CAPZB: variants seen among roughly 807,000 people sequenced by gnomAD.
The protein encoded by CAPZB is capping actin protein of muscle Z-line subunit beta.
CAPZB carries 2 observed loss-of-function variants against 38.1 expected under a neutral mutation model. The ratio of observed to expected loss-of-function variants is 0.05; its 90% CI spans 0.02 to 0.17. CAPZB has a LOEUF of 0.17. Among genes scored for constraint, CAPZB ranks in the 10% least tolerant of loss-of-function variants. The probability of loss-of-function intolerance (pLI) is 1.00; values close to 1 mark genes in which losing one functional copy is unlikely to be tolerated. For missense variants in CAPZB, 161 were observed against 334.2 expected, an observed-to-expected ratio of 0.48 and a Z score of 4.04; for synonymous variants, 107 against 127.4, an observed-to-expected ratio of 0.84 and a Z score of 1.08.
At chr1:19,414,206 C>G (rs532543579) in intron 2 of CAPZB, among the ~76,000 whole-genome samples, 1 of 152,312 alleles carries the variant, frequency 6.6e-6, no homozygotes, top group East Asian at 1.9e-4. Flanking sequence ...CTGCAGACAT[C>G]ATGCTGCCCC....
At position 19,365,668 on chromosome 1, in the gene CAPZB, TA is replaced by T. The variant is rs533866638; in HGVS notation, c.330-8106del. On this transcript the variant is annotated intron_variant, in intron 4 of 8. Transcript: ENST00000264202. ...CCACATGGAGAAGCCCCGTCTCTAT[TA>T]AAAAAACACACAAAATTAGTCGGGC... 2.9e-3 allele frequency among the ~76,000 whole-genome samples: 439 copies of T among 151,802 alleles called. 5 individuals carry two copies. The highest frequency in any genetic ancestry group is 9.9e-3 in the African/African-American group (408 of 41,388).
intron 4 of CAPZB, among the ~76,000 whole-genome samples, chr1:19,365,267 T>C (rs1037657057): frequency 6.6e-6 from 1 of 152,188 alleles, no homozygotes; most frequent in African/African-American, 2.4e-5. Context: ...CTCGTAGACA[T>C]GGCTTCAACA....
intron 2 of CAPZB, among the ~76,000 whole-genome samples, chr1:19,396,038 G>T (rs563495639): frequency 6.6e-6 from 1 of 152,180 alleles, no homozygotes; most frequent in Non-Finnish European, 1.5e-5. Flanking sequence ...CATCCTTCAG[G>T]GTCTGATTCG....
chr1:19,413,209 G>C (rs772928289), intron 2 of CAPZB, among the ~76,000 whole-genome samples: 10 of 152,180 alleles, frequency 6.6e-5, no homozygotes, highest in Non-Finnish European at 1.2e-4. Flanking sequence ...TGGAGGAGAA[G>C]GCAAGGAATA....
chr1:19,430,811 T>C (rs2094439460), intron 1 of CAPZB, among the ~76,000 whole-genome samples: 2 of 152,306 alleles, frequency 1.3e-5, no homozygotes, highest in Non-Finnish European at 2.9e-5. Flanking sequence ...AAGCACTGCC[T>C]GCTTTTTACA....
At chr1:19,460,607 G>C (rs1157556707) in intron 1 of CAPZB, among the ~76,000 whole-genome samples, 4 of 82,028 alleles carry the variant, frequency 4.9e-5, no homozygotes, top group Non-Finnish European at 9.8e-5. Context: ...TGTATTTTTG[G>C]TGGAGATGTT....
chr1:19,371,950 G>C (rs1379333394), intron 4 of CAPZB, among the ~76,000 whole-genome samples: 1 of 152,252 alleles, frequency 6.6e-6, no homozygotes, highest in African/African-American at 2.4e-5. Flanking sequence ...CCAGAGAGGG[G>C]ACAGGTGCTG....
intron 3 of CAPZB, among the ~76,000 whole-genome samples, chr1:19,383,446 C>CAA (rs528617668): frequency 0.02 from 2,407 of 117,874 alleles, 84 homozygotes; most frequent in African/African-American, 0.062. Flanking sequence ...GACTCTGTCT[C>CAA]AAAAAAAAAA....
intron 1 of CAPZB, among the ~76,000 whole-genome samples, chr1:19,469,873 G>A (rs188498271): frequency 6.6e-6 from 1 of 151,994 alleles, no homozygotes; most frequent in Non-Finnish European, 1.5e-5. Flanking sequence ...AGGTCGGGGG[G>A]TATTCCACAG....
intron 1 of CAPZB, among the ~76,000 whole-genome samples, chr1:19,446,395 G>C (rs1039955876): frequency 6.6e-6 from 1 of 152,210 alleles, no homozygotes; most frequent in Non-Finnish European, 1.5e-5. Flanking sequence ...CATGTAAGAA[G>C]TAAAGGTGAG....
intron 2 of CAPZB, among the ~76,000 whole-genome samples, chr1:19,418,729 T>C (rs1452564231): frequency 6.6e-6 from 1 of 152,194 alleles, no homozygotes; most frequent in Non-Finnish European, 1.5e-5. Flanking sequence ...GTGAATGACA[T>C]CCGTGCCTCT....
chr1:19,418,136 CAAAAAAAAAAAA>C (rs59390448), intron 2 of CAPZB, among the ~76,000 whole-genome samples: 3 of 35,300 alleles, frequency 8.5e-5, no homozygotes, highest in African/African-American at 2.1e-4. Context: ...ACTCTGTCAC[CAAAAAAAAAAAA>C]AAAAAAAAAA....
intron 1 of CAPZB, among the ~76,000 whole-genome samples, chr1:19,428,438 G>T (rs1477798553): frequency 5.3e-5 from 8 of 151,364 alleles, no homozygotes; most frequent in Non-Finnish European, 1.0e-4. Context: ...AAAAGAAAAA[G>T]AAAAATAAGC....
At chr1:19,416,309 T>G (rs955862729) in intron 2 of CAPZB, among the ~76,000 whole-genome samples, 2 of 152,320 alleles carry the variant, frequency 1.3e-5, no homozygotes, top group Middle Eastern at 6.8e-3. Flanking sequence ...TTTACTCTGT[T>G]GCTTTCAGTG....
At chr1:19,340,925 C>T (rs1436871855) in intron 8 of CAPZB, among the ~76,000 whole-genome samples, 1 of 152,104 alleles carries the variant, frequency 6.6e-6, no homozygotes, top group African/African-American at 2.4e-5. Context: ...CGGACTCTCA[C>T]GTTTGATTCA....
At chr1:19,346,346 C>T (rs2093960278) in intron 6 of CAPZB, among the ~76,000 whole-genome samples, 1 of 148,864 alleles carries the variant, frequency 6.7e-6, no homozygotes, top group African/African-American at 2.5e-5. Context: ...TACAAAAATG[C>T]AGTACTCTAA....
chr1:19,442,011 A>AAACAAAAC (rs1320633512), intron 1 of CAPZB, among the ~76,000 whole-genome samples: 1 of 147,874 alleles, frequency 6.8e-6, no homozygotes, highest in Non-Finnish European at 1.5e-5. Flanking sequence ...TCTGTCTCCA[A>AAACAAAAC]AAAAAAAAAA....
intron 4 of CAPZB, among the ~76,000 whole-genome samples, chr1:19,369,655 G>C (rs1277877490): frequency 6.6e-6 from 1 of 152,244 alleles, no homozygotes; most frequent in East Asian, 1.9e-4. Flanking sequence ...GTGGCAAGCG[G>C]TGCCCGTCAC....
At chr1:19,423,665 C>T (rs576717622) in intron 1 of CAPZB, among the ~76,000 whole-genome samples, 15 of 152,066 alleles carry the variant, frequency 9.9e-5, no homozygotes, top group Admixed American at 3.3e-4. Context: ...GCTTGGATTA[C>T]AGGCACACAC....
Sources: allele counts gnomAD v4.1 joint callset (sites outside exome capture counted in the v4.1 genomes callset), GRCh38; gene constraint gnomAD v4.1.1; transcripts MANE v1.5; gene names NCBI Gene and HGNC (gene_info 2026-07-23, HGNC 2026-07-21).